Variants in ZBED3 observed in about 807,000 individuals in gnomAD.
ZBED3 encodes zinc finger BED-type containing 3.
For synonymous variants in ZBED3, 175 were observed against 180.0 expected, an observed-to-expected ratio of 0.97 and a Z score of 0.22; for missense variants, 388 against 362.9, an observed-to-expected ratio of 1.07 and a Z score of -0.56.
chr5:77,081,143 A>G (rs1743121454), intron 1 of ZBED3, among the ~76,000 whole-genome samples: 2 of 152,196 alleles, frequency 1.3e-5, no homozygotes, highest in Admixed American at 1.3e-4. Flanking sequence ...GAAAAGGTGC[A>G]CAACATCACT....
chr5:77,077,198 G>A lies in ZBED3; in HGVS notation c.681C>T (p.Cys227=), dbSNP rs149021152. ...CCTACAGGAGGACCTTTGTGATGAC[G>A]CAGCCGTCCCTGTCACCCTCGGGGT... ...KDDPEGDRDG[C]VITKVLL The change falls in exon 3 of 3, where the codon TGC becomes TGT. Residue 227 remains cysteine (C), a synonymous_variant. Coordinates refer to ENST00000255198, the MANE Select transcript of ZBED3 (RefSeq NM_032367.4). 82 of 1,501,006 alleles carry A rather than the reference G, an allele frequency of 5.5e-5. No homozygotes were observed. Among genetic ancestry groups the A allele is most frequent in the Middle Eastern group, 1.7e-4 (1 of 5,834 alleles). 93.0% of individuals were successfully genotyped at this position (1,501,006 alleles called of 1,614,324 possible).
chr5:77,077,773 TCGGCGTCGGCGC>T lies in ZBED3; in HGVS notation c.94_105del (p.Ala32_Pro35del), dbSNP rs1207451008. On this transcript the variant is annotated inframe_deletion, in exon 3 of 3. Coordinates refer to ENST00000255198, the MANE Select transcript of ZBED3 (RefSeq NM_032367.4). ...GGCGCCCCCAGGCGGCCGGGAGGCGTCGGCGTCGGCGCCGGCCCCAGTCCCGGACACTGACCG... is the reference window on the plus strand; with the variant it reads ...GGCGCCCCCAGGCGGCCGGGAGGCGTCGGCCCCAGTCCCGGACACTGACCG... 7.6e-7 allele frequency: 1 copy of T among 1,314,322 alleles called. No individual in the cohort carries two copies. The highest frequency in any genetic ancestry group is 9.7e-7 in the Non-Finnish European group (1 of 1,035,716). 81.4% of individuals were successfully genotyped at this position (1,314,322 alleles called of 1,614,324 possible).
rs963942960 is a variant in ZBED3 at position 77,086,224 on chromosome 5, A to G, written c.-153+887T>C. Among the ~76,000 whole-genome samples, 10 of 152,310 alleles carry G rather than the reference A, an allele frequency of 6.6e-5. No individual in the cohort carries two copies. The South Asian group carries it at 1.7e-3, about 25-fold the overall frequency. On this transcript the variant is annotated intron_variant, in intron 1 of 2. Transcript: ENST00000255198. ...AGTTATAGGAATTTAAAGCTGCCCT[A>G]CTTTGAAGGCCTTTGTGACTCAAAG...
intron 1 of ZBED3, chr5:77,086,673 A>C (rs1031756957): frequency 6.6e-6 from 1 of 152,076 alleles, no homozygotes; most frequent in African/African-American, 2.4e-5. Flanking sequence ...ATTCTGGTGT[A>C]AGCTTTTGGC....
intron 1 of ZBED3, chr5:77,080,409 C>T (rs756828486): frequency 2.2e-6 from 1 of 454,862 alleles, no homozygotes; most frequent in Admixed American, 2.4e-5. Flanking sequence ...GGAAGCCTCA[C>T]CTGAGCCAGG....
rs1561296478 is a variant in ZBED3, at chr5:77,075,991, ATG to A, written c.*1181_*1182del. ...TGTATATGTATATATGTATATATAT[ATG>A]TATATATGTATATATATATGTATAT... On this transcript the variant is annotated 3_prime_UTR_variant, in exon 3 of 3. Transcript: ENST00000255198. 698 of 59,442 alleles carry A rather than the reference ATG, an allele frequency of 0.012. 174 individuals carry two copies. Among genetic ancestry groups the A allele is most frequent in the Non-Finnish European group, 0.017 (478 of 27,738 alleles). The allele number at this position is 59,442 out of a possible 1,614,324, so 3.7% of individuals were successfully genotyped here.
intron 1 of ZBED3, among the ~76,000 whole-genome samples, chr5:77,083,125 G>A (rs1226439552): frequency 1.3e-5 from 2 of 152,074 alleles, no homozygotes; most frequent in Admixed American, 6.6e-5. Context: ...TAGTAAGAGC[G>A]AAACTCCATC....
chr5:77,077,870 ACTC>A lies in ZBED3; in HGVS notation c.6_8del (p.Arg2del). The A allele has an allele frequency of 8.0e-7, 1 of 1,257,032 alleles. No individual in the cohort carries two copies. The highest frequency in any genetic ancestry group is 1.0e-6 in the Non-Finnish European group (1 of 1,003,634). The allele number at this position is 1,257,032 out of a possible 1,614,324, so 77.9% of individuals were successfully genotyped here. ...GGTCCATGGTGCAGGCCGGCTCGCC[ACTC>A]CTCATTCTGCGGCGCCCGCACGCTG... On this transcript the variant is annotated inframe_deletion, in exon 3 of 3. Transcript: ENST00000255198.
At position 77,077,880 on chromosome 5, in the gene ZBED3, C is replaced by G. The variant is rs762508530; in HGVS notation, c.-2G>C. ...GCAGGCCGGCTCGCCACTCCTCATT[C>G]TGCGGCGCCCGCACGCTGGGGAGCA... On this transcript the variant is annotated 5_prime_UTR_variant, in exon 3 of 3. Coordinates refer to ENST00000255198, the MANE Select transcript of ZBED3 (RefSeq NM_032367.4). The G allele has an allele frequency of 1.2e-5, 15 of 1,255,050 alleles. No homozygotes were observed. The East Asian group carries it at 4.4e-4, about 37-fold the overall frequency. The allele number at this position is 1,255,050 out of a possible 1,614,324, so 77.7% of individuals were successfully genotyped here.
At chr5:77,085,997 C>T (rs1743230466) in intron 1 of ZBED3, among the ~76,000 whole-genome samples, 1 of 152,214 alleles carries the variant, frequency 6.6e-6, no homozygotes, top group African/African-American at 2.4e-5. Context: ...AAGCCAAACT[C>T]TTAGATATTT....
Position 77,076,346 on chromosome 5 carries a change from C to T in ZBED3, c.*828G>A, listed in dbSNP as rs1743002916. On this transcript the variant is annotated 3_prime_UTR_variant, in exon 3 of 3. Coordinates refer to ENST00000255198, the MANE Select transcript of ZBED3 (RefSeq NM_032367.4). ...GGCCTTAAGCGGAGGGATGCTTTCC[C>T]CTTCAGCCCAGAGGTGAGCACTATG... The T allele has an allele frequency of 6.6e-6, 1 of 151,990 alleles. No homozygotes were observed. The highest frequency in any genetic ancestry group is 2.4e-5 in the African/African-American group (1 of 41,322). 9.4% of individuals were successfully genotyped at this position (151,990 alleles called of 1,614,324 possible).
In ZBED3 at chr5:77,077,416, G is replaced by C. The variant is rs2303714; in HGVS notation, c.463C>G (p.Leu155Val). Reference protein sequence around the residue: ...RRERELERRELAVEQGERALE... With the variant: ...RRERELERREVAVEQGERALE... ...GCGCGCTCGCCCTGCTCCACGGCCA[G>C]CTCGCGCCGCTCCAGCTCCCGCTCC... is the stretch of plus-strand genomic sequence containing the variant. Residue 155 changes from leucine to valine, a missense_variant, in exon 3 of 3, where the codon CTG (leucine) becomes GTG (valine). Leu to Val is a conservative substitution (Grantham distance 32). Coordinates refer to ENST00000255198, the MANE Select transcript of ZBED3 (RefSeq NM_032367.4). 0.28 allele frequency: 338,798 copies of C among 1,230,826 alleles called. 47,929 individuals are homozygous for C. Among genetic ancestry groups the C allele is most frequent in the Non-Finnish European group, 0.29 (282,819 of 984,638 alleles). 76.2% of individuals were successfully genotyped at this position (1,230,826 alleles called of 1,614,324 possible).
rs11951543 is a variant in ZBED3 at position 77,076,025 on chromosome 5, A to G, written c.*1149T>C. On this transcript the variant is annotated 3_prime_UTR_variant, in exon 3 of 3. Transcript: ENST00000255198. ...TGTATATATATATGTATATATGTAT[A>G]TATATATGTATATATGTATATATAT... is the stretch of plus-strand genomic sequence containing the variant. 8,549 of 72,504 alleles carry G rather than the reference A, an allele frequency of 0.12. 2,239 individuals are homozygous for G. Among genetic ancestry groups the G allele is most frequent in the Middle Eastern group, 0.16 (27 of 168 alleles). The allele number at this position is 72,504 out of a possible 1,614,324, so 4.5% of individuals were successfully genotyped here.
rs1432527147 is a variant in ZBED3 at position 77,075,986 on chromosome 5, T to TAC, written c.*1187_*1188insGT. The TAC allele has an allele frequency of 3.6e-4, 10 of 27,446 alleles. 3 individuals carry two copies. Among genetic ancestry groups the TAC allele is most frequent in the Admixed American group, 1.3e-3 (3 of 2,228 alleles). 1.7% of individuals were successfully genotyped at this position (27,446 alleles called of 1,614,324 possible). On this transcript the variant is annotated 3_prime_UTR_variant, in exon 3 of 3. Transcript: ENST00000255198. ...ATATATGTATATGTATATATGTATA[T>TAC]ATATATGTATATATGTATATATATA...
Position 77,077,398 on chromosome 5 carries a change from C to T in ZBED3, c.481G>A (p.Glu161Lys). The T allele has an allele frequency of 8.0e-7, 1 of 1,249,578 alleles. No individual in the cohort carries two copies. 77.4% of individuals were successfully genotyped at this position (1,249,578 alleles called of 1,614,324 possible). ...ERRELAVEQGERALERRRRAL... is the reference protein window; with the variant it reads ...ERRELAVEQGKRALERRRRAL... ...CTCCGCCTCCGCTCCAGGGCGCGCT[C>T]GCCCTGCTCCACGGCCAGCTCGCGC... is the stretch of plus-strand genomic sequence containing the variant. The change falls in exon 3 of 3, where the codon GAG becomes AAG. Residue 161 changes from glutamate to lysine, a missense_variant. Coordinates refer to ENST00000255198, the MANE Select transcript of ZBED3 (RefSeq NM_032367.4).
intron 1 of ZBED3, chr5:77,080,579 C>T (rs769696077): frequency 1.2e-5 from 6 of 519,222 alleles, no homozygotes; most frequent in East Asian, 5.4e-5. Context: ...CCACATCATG[C>T]GGCTATATTC....
rs1403507171 is a variant in ZBED3 at position 77,074,926 on chromosome 5, A to C, written c.*2248T>G. ...TGGAGCTGGTATGTGAAAGCAATGC[A>C]TGTTAAGTGTGTAGTATGTGCCTGA... On this transcript the variant is annotated 3_prime_UTR_variant, in exon 3 of 3. Coordinates refer to ENST00000255198, the MANE Select transcript of ZBED3 (RefSeq NM_032367.4). 6.6e-6 allele frequency: 1 copy of C among 152,138 alleles called. No homozygotes were observed. Among genetic ancestry groups the C allele is most frequent in the Non-Finnish European group, 1.5e-5 (1 of 68,042 alleles). 9.4% of individuals were successfully genotyped at this position (152,138 alleles called of 1,614,324 possible).
intron 1 of ZBED3, among the ~76,000 whole-genome samples, chr5:77,086,510 A>T (rs1399177671): frequency 6.6e-6 from 1 of 152,076 alleles, no homozygotes; most frequent in Non-Finnish European, 1.5e-5. Flanking sequence ...ACTAGTGGTA[A>T]GTATTTATTT....
At chr5:77,086,203 A>T (rs1206451394) in intron 1 of ZBED3, among the ~76,000 whole-genome samples, 1 of 152,216 alleles carries the variant, frequency 6.6e-6, no homozygotes, top group Non-Finnish European at 1.5e-5. Context: ...AATCTGAGTT[A>T]TAGGAATTTA....
Sources: allele counts gnomAD v4.1 joint callset (sites outside exome capture counted in the v4.1 genomes callset), GRCh38; gene constraint gnomAD v4.1.1; transcripts MANE v1.5; gene names NCBI Gene and HGNC (gene_info 2026-07-23, HGNC 2026-07-21).